Variants in STON1 observed in about 807,000 individuals in gnomAD.
STON1 encodes stonin-1.
STON1 carries 79 observed loss-of-function variants against 60.9 expected under a neutral mutation model. That is an observed-to-expected ratio of 1.30 (90% CI 1.08 to 1.56). The LOEUF (loss-of-function observed/expected upper bound fraction) is 1.56. STON1 is among the 40% of genes most tolerant of loss of function. The probability of loss-of-function intolerance (pLI) is 0.00; values close to 1 mark genes in which losing one functional copy is unlikely to be tolerated. For missense variants in STON1, 1,166 were observed against 858.9 expected (o/e 1.36, Z -4.47); for synonymous variants, 363 against 306.9 (o/e 1.18, Z -1.91).
chr2:48,549,810 C>CAAAA (rs59908100), intron 1 of STON1, among the ~76,000 whole-genome samples: 11 of 78,050 alleles, frequency 1.4e-4, no homozygotes, highest in East Asian at 4.6e-4. Flanking sequence ...GACTCCATCT[C>CAAAA]AAAAAAAAAA....
intron 1 of STON1, among the ~76,000 whole-genome samples, chr2:48,557,645 A>T (rs562207888): frequency 5.4e-5 from 4 of 73,524 alleles, no homozygotes; most frequent in Admixed American, 3.9e-4. Context: ...CCTGGGCACC[A>T]TTGAGCACTG....
At chr2:48,547,461 CAT>C (rs1671906774) in intron 1 of STON1, among the ~76,000 whole-genome samples, 1 of 152,208 alleles carries the variant, frequency 6.6e-6, no homozygotes, top group Admixed American at 6.5e-5. Flanking sequence ...GTTAAGCAAA[CAT>C]AGAGCTACGA....
chr2:48,561,174 G>C (rs1672594339), intron 1 of STON1, among the ~76,000 whole-genome samples: 2 of 152,166 alleles, frequency 1.3e-5, no homozygotes, highest in Non-Finnish European at 2.9e-5. Context: ...CTAGCTTCAT[G>C]AATGAGGCTT....
rs759560970 is a variant in STON1, at chr2:48,581,721, A to C, written c.1088A>C (p.Lys363Thr). ...ACAGAAAAAAGGAAATACCATTCTA[A>C]GACAGAAGTAGTTCATGAACCTGAC... ...SYTEKRKYHSKTEVVHEPDIE... is the reference protein window; with the variant it reads ...SYTEKRKYHSTTEVVHEPDIE... The change falls in exon 2 of 4, where the codon AAG becomes ACG. Residue 363 changes from lysine (K) to threonine (T), a missense_variant. Coordinates refer to ENST00000404752, the MANE Select transcript of STON1 (RefSeq NM_006873.4). The C allele has an allele frequency of 4.3e-6, 7 of 1,611,202 alleles. No homozygotes were observed. Among genetic ancestry groups the C allele is most frequent in the Non-Finnish European group, 5.9e-6 (7 of 1,179,246 alleles).
intron 1 of STON1, among the ~76,000 whole-genome samples, chr2:48,554,707 A>ATTTTTTT (rs11475306): frequency 7.9e-5 from 7 of 88,776 alleles, no homozygotes; most frequent in African/African-American, 1.4e-4. Context: ...TAAGTGCAAA[A>ATTTTTTT]TTTTTTTTTT....
rs948151347 is a variant in STON1 at position 48,580,894 on chromosome 2, C to G, written c.261C>G (p.Asp87Glu). ...SNSPLSTPTK[D>E]FPGFPGIPKA... ...CTCCTCTTTCTACACCTACCAAAGA[C>G]TTCCCAGGTTTTCCTGGCATCCCCA... is the stretch of plus-strand genomic sequence containing the variant. Residue 87 changes from aspartate (D) to glutamate (E), a missense_variant, in exon 2 of 4, where the codon GAC becomes GAG. Coordinates refer to ENST00000404752, the MANE Select transcript of STON1 (RefSeq NM_006873.4). 4.4e-6 allele frequency: 7 copies of G among 1,593,274 alleles called. No individual in the cohort carries two copies. The highest frequency in any genetic ancestry group is 6.0e-6 in the Non-Finnish European group (7 of 1,171,700).
At chr2:48,562,590 C>T (rs1672657839) in intron 1 of STON1, among the ~76,000 whole-genome samples, 1 of 152,198 alleles carries the variant, frequency 6.6e-6, no homozygotes. Context: ...AACACTGCCT[C>T]AGAGATGCTA....
chr2:48,530,438 C>T (rs1156402567), intron 1 of STON1: 2 of 204,950 alleles, frequency 9.8e-6, no homozygotes, highest in African/African-American at 4.8e-5. Context: ...TCCTCGGCTC[C>T]CCTCTGTTCT....
At chr2:48,589,215 C>T (rs573285130) in intron 2 of STON1, among the ~76,000 whole-genome samples, 6 of 152,126 alleles carry the variant, frequency 3.9e-5, no homozygotes, top group Non-Finnish European at 7.3e-5. Context: ...TCTTTCCCTT[C>T]GGCCCTCTAA....
chr2:48,563,450 A>C (rs1234641328), intron 1 of STON1, among the ~76,000 whole-genome samples: 3 of 152,212 alleles, frequency 2.0e-5, no homozygotes, highest in Admixed American at 2.0e-4. Flanking sequence ...CAGGAAAAGA[A>C]TCTGTGGCTC....
chr2:48,547,026 C>A (rs1307346853), intron 1 of STON1, among the ~76,000 whole-genome samples: 1 of 152,166 alleles, frequency 6.6e-6, no homozygotes, highest in Non-Finnish European at 1.5e-5. Context: ...AGAATGAATG[C>A]ACATCCACAC....
chr2:48,540,385 T>C (rs1035034829), intron 1 of STON1, among the ~76,000 whole-genome samples: 1 of 152,170 alleles, frequency 6.6e-6, no homozygotes, highest in Non-Finnish European at 1.5e-5. Flanking sequence ...AGGACTCTAA[T>C]GTTCCGCCTG....
chr2:48,564,578 T>A (rs60875147), intron 1 of STON1, among the ~76,000 whole-genome samples: 1 of 31,710 alleles, frequency 3.2e-5, no homozygotes, highest in Non-Finnish European at 5.4e-5. Context: ...TCCTTCTCCT[T>A]CTCCTCCTCC....
chr2:48,578,186 A>G (rs949228940), intron 1 of STON1, among the ~76,000 whole-genome samples: 6 of 152,052 alleles, frequency 3.9e-5, no homozygotes, highest in Non-Finnish European at 2.9e-5. Context: ...CATGTTGGCC[A>G]TGCTGGCCTT....
In STON1 at chr2:48,581,635, G is replaced by C. The variant is rs143139624; in HGVS notation, c.1002G>C (p.Lys334Asn). 7.8e-4 allele frequency: 1,266 copies of C among 1,614,144 alleles called. 2 individuals are homozygous for C. The highest frequency in any genetic ancestry group is 9.9e-4 in the Non-Finnish European group (1,171 of 1,180,028). Reference sequence around the variant, plus strand: ...CATATTGTAGGCTTTCTGAACCCAAGGTTGAGAACTTCAGTGTAGCAGGAA... The same window carrying C: ...CATATTGTAGGCTTTCTGAACCCAACGTTGAGAACTTCAGTGTAGCAGGAA... ...LDPYCRLSEP[K>N]VENFSVAGKI... The change falls in exon 2 of 4, where the codon AAG (lysine) becomes AAC (asparagine). Residue 334 changes from lysine (K) to asparagine (N), a missense_variant. Transcript: ENST00000404752.
intron 1 of STON1, among the ~76,000 whole-genome samples, chr2:48,579,691 G>C (rs1673757475): frequency 2.6e-5 from 4 of 152,178 alleles, no homozygotes. Flanking sequence ...GTGTTCTGCT[G>C]CTGTTAGGTG....
At chr2:48,530,823 C>T (rs956091812) in intron 1 of STON1, 1 of 152,398 alleles carries the variant, frequency 6.6e-6, no homozygotes, top group Admixed American at 6.5e-5. Flanking sequence ...CCAAATATTT[C>T]CTGCAGGTAT....
intron 2 of STON1, among the ~76,000 whole-genome samples, chr2:48,588,127 G>A (rs977937064): frequency 2.6e-5 from 4 of 152,166 alleles, no homozygotes; most frequent in Non-Finnish European, 4.4e-5. Context: ...GTTAAAATGT[G>A]GATTTTGACT....
chr2:48,568,465 C>T (rs1256845194), intron 1 of STON1, among the ~76,000 whole-genome samples: 1 of 152,064 alleles, frequency 6.6e-6, no homozygotes, highest in Non-Finnish European at 1.5e-5. Flanking sequence ...CAAAGAACGG[C>T]AGAAGTAGAC....
Sources: gnomAD v4.1 joint callset for allele counts (sites outside exome capture counted in the v4.1 genomes callset) on GRCh38, gnomAD v4.1.1 for gene constraint, MANE v1.5 for transcripts, NCBI Gene and HGNC (gene_info 2026-07-23, HGNC 2026-07-21) for gene names.